Variants in GPA33 observed in about 807,000 individuals in gnomAD.
GPA33 encodes glycoprotein A33.
In GPA33, 27 loss-of-function variants were observed where a neutral mutation model predicts 35.6. That is an observed-to-expected ratio of 0.76 (90% CI 0.56 to 1.04). The LOEUF (loss-of-function observed/expected upper bound fraction) is 1.04. Ranked by LOEUF, GPA33 falls within the 50% of genes least tolerant of loss-of-function variation. The pLI is 0.00. For synonymous variants in GPA33, 176 were observed against 164.0 expected (o/e 1.07, Z -0.56); for missense variants, 428 against 411.9 (o/e 1.04, Z -0.34).
At chr1:167,073,296 T>A in intron 2 of GPA33, 89 bp downstream of exon 2, 1 of 1,114,358 alleles carries the variant, frequency 9.0e-7, no homozygotes, top group South Asian at 1.4e-5. Context: ...CTACCATTTA[T>A]GGAAAGACTT....
chr1:167,081,413 C>T (rs769411592), intron 1 of GPA33, among the ~76,000 whole-genome samples: 28 of 152,304 alleles, frequency 1.8e-4, no homozygotes, highest in Middle Eastern at 3.4e-3. Context: ...AGTTCACACA[C>T]GCAGGTTGGT....
chr1:167,056,719 T>G (rs1467704460), intron 4 of GPA33, among the ~76,000 whole-genome samples: 47 of 3,094 alleles, frequency 0.015, 1 homozygote, highest in East Asian at 0.031. Context: ...AGTGTGTGTG[T>G]AGTGTGTGAT....
At chr1:167,059,705 G>A (rs1666391546) in intron 4 of GPA33, among the ~76,000 whole-genome samples, 1 of 152,088 alleles carries the variant, frequency 6.6e-6, no homozygotes, top group African/African-American at 2.4e-5. Context: ...TACAAAGTCT[G>A]TTCAGAGCTA....
intron 3 of GPA33, among the ~76,000 whole-genome samples, chr1:167,064,113 T>C (rs1203087261): frequency 5.9e-5 from 9 of 151,920 alleles, no homozygotes; most frequent in Non-Finnish European, 1.3e-4. Flanking sequence ...TGAAACCCCA[T>C]CTCTACTAAA....
At chr1:167,082,227 A>G (rs1033935089) in intron 1 of GPA33, 2 of 455,388 alleles carry the variant, frequency 4.4e-6, no homozygotes, top group Non-Finnish European at 8.8e-6. Flanking sequence ...ACCAAAATAC[A>G]GTATTAATAA....
intron 1 of GPA33, among the ~76,000 whole-genome samples, chr1:167,081,445 G>A (rs970798072): frequency 1.3e-5 from 2 of 152,236 alleles, no homozygotes; most frequent in Admixed American, 6.5e-5. Context: ...CTATGGGCAG[G>A]GAGGCTCTCA....
chr1:167,087,130 C>T (rs754820884), intron 1 of GPA33, among the ~76,000 whole-genome samples: 68 of 152,254 alleles, frequency 4.5e-4, no homozygotes, highest in Middle Eastern at 6.8e-3. Context: ...GTGGAGGGGG[C>T]AGCGCATGGC....
intron 1 of GPA33, among the ~76,000 whole-genome samples, chr1:167,079,441 G>A (rs1389112155): frequency 6.9e-5 from 10 of 144,612 alleles, no homozygotes; most frequent in Non-Finnish European, 1.4e-4. Context: ...GCAGTGAGCC[G>A]AGATCACACC....
intron 1 of GPA33, among the ~76,000 whole-genome samples, chr1:167,075,239 G>A (rs1275729579): frequency 1.3e-5 from 2 of 152,200 alleles, no homozygotes; most frequent in East Asian, 3.9e-4. Flanking sequence ...GCAAATGTGG[G>A]GTGAACAGAT....
At chr1:167,084,999 T>A (rs930659134) in intron 1 of GPA33, among the ~76,000 whole-genome samples, 1 of 152,058 alleles carries the variant, frequency 6.6e-6, no homozygotes, top group Non-Finnish European at 1.5e-5. Context: ...AGATCATGAG[T>A]TTTGTTTTCA....
intron 2 of GPA33, among the ~76,000 whole-genome samples, chr1:167,071,372 G>A (rs770591292): frequency 3.9e-5 from 6 of 152,234 alleles, no homozygotes; most frequent in Non-Finnish European, 7.3e-5. Flanking sequence ...GTATAGAAGC[G>A]AGACCATGAT....
chr1:167,084,563 A>G (rs1013912956), intron 1 of GPA33, among the ~76,000 whole-genome samples: 1 of 152,210 alleles, frequency 6.6e-6, no homozygotes, highest in African/African-American at 2.4e-5. Flanking sequence ...GCTTTGCCCT[A>G]AGAAACTAGC....
chr1:167,082,444 C>T (rs1666968282), intron 1 of GPA33: 1 of 389,878 alleles, frequency 2.6e-6, no homozygotes, highest in Non-Finnish European at 5.0e-6. Context: ...ACCAGAGGGG[C>T]ACAGAGGATC....
In GPA33 at chr1:167,054,959, C is replaced by T. The variant is rs1666205101; in HGVS notation, c.827+17G>A. ...CTCCCCAGACCCTTCCAACAGGCTACCAGCCCAGACACTCACGGCCTTGCA... is the reference window on the plus strand; with the variant it reads ...CTCCCCAGACCCTTCCAACAGGCTATCAGCCCAGACACTCACGGCCTTGCA... On this transcript the variant is annotated intron_variant, in intron 6 of 6. Coordinates refer to ENST00000367868, the MANE Select transcript of GPA33 (RefSeq NM_005814.3). The T allele has an allele frequency of 6.2e-7, 1 of 1,613,938 alleles. No individual in the cohort carries two copies. The highest frequency in any genetic ancestry group is 8.5e-7 in the Non-Finnish European group (1 of 1,179,920).
At chr1:167,082,029 T>G (rs1666959454) in intron 1 of GPA33, among the ~76,000 whole-genome samples, 1 of 151,880 alleles carries the variant, frequency 6.6e-6, no homozygotes, top group African/African-American at 2.4e-5. Context: ...AGGAGCTGAG[T>G]TAAAACCAGG....
intron 1 of GPA33, among the ~76,000 whole-genome samples, chr1:167,087,617 A>C (rs1667080799): frequency 6.6e-6 from 1 of 152,142 alleles, no homozygotes; most frequent in South Asian, 2.1e-4. Context: ...AATTGTCAGC[A>C]CATGATAATC....
intron 1 of GPA33, among the ~76,000 whole-genome samples, chr1:167,087,644 C>T (rs1158959176): frequency 3.3e-5 from 5 of 152,094 alleles, no homozygotes; most frequent in Admixed American, 1.3e-4. Flanking sequence ...AGCAGACCAA[C>T]GGTGGCTCAC....
chr1:167,055,694 G>A (rs1432602033), intron 5 of GPA33, 36 bp downstream of exon 5: 2 of 1,610,862 alleles, frequency 1.2e-6, no homozygotes, highest in Non-Finnish European at 8.5e-7. Flanking sequence ...TTATCCTGTG[G>A]CGTTTGTCAG....
chr1:167,085,821 C>G (rs1177433198), intron 1 of GPA33, among the ~76,000 whole-genome samples: 1 of 152,194 alleles, frequency 6.6e-6, no homozygotes, highest in Non-Finnish European at 1.5e-5. Context: ...ATTAAACCAA[C>G]TTTTCCTTAA....
Sources: allele counts gnomAD v4.1 joint callset (sites outside exome capture counted in the v4.1 genomes callset), GRCh38; gene constraint gnomAD v4.1.1; transcripts MANE v1.5; gene names NCBI Gene and HGNC (gene_info 2026-07-23, HGNC 2026-07-21).